Variants in ARL10 observed in about 807,000 individuals in gnomAD.
The protein encoded by ARL10 is ADP-ribosylation factor-like protein 10.
In ARL10, 23 loss-of-function variants were observed where a neutral mutation model predicts 26.1. The ratio of observed to expected loss-of-function variants is 0.88; its 90% confidence interval spans 0.63 to 1.25. ARL10 has a LOEUF of 1.25. Among genes scored for constraint, ARL10 ranks in the 50% most tolerant of loss-of-function variants. The pLI is 0.00. For missense variants in ARL10, 300 were observed against 323.6 expected, an observed-to-expected ratio of 0.93 and a Z score of 0.56; for synonymous variants, 138 against 149.1, an observed-to-expected ratio of 0.93 and a Z score of 0.54.
chr5:176,410,435 T>C, the ARL10 span: 1 of 662,852 alleles, frequency 1.5e-6, no homozygotes, highest in South Asian at 1.8e-5. Flanking sequence ...CAAACAGACA[T>C]AATGGATATA....
chr5:176,414,125 T>A, the ARL10 span, among the ~76,000 whole-genome samples: 1 of 152,158 alleles, frequency 6.6e-6, no homozygotes, highest in Non-Finnish European at 1.5e-5. Flanking sequence ...GTTCTCACAA[T>A]GGCTCCCCTC....
chr5:176,395,952 T>C (rs1433217142), intron 1 of ARL10, among the ~76,000 whole-genome samples: 1 of 152,076 alleles, frequency 6.6e-6, no homozygotes, highest in African/African-American at 2.4e-5. Flanking sequence ...CTGGCCGACA[T>C]GGTGAAACCC....
chr5:176,370,991 C>T (rs1175818594), intron 3 of ARL10, among the ~76,000 whole-genome samples: 1 of 152,218 alleles, frequency 6.6e-6, no homozygotes, highest in East Asian at 1.9e-4. Context: ...CCTCCCTGAG[C>T]TACTTTTCTC....
intron 3 of ARL10, among the ~76,000 whole-genome samples, chr5:176,370,524 A>G (rs1768498213): frequency 6.6e-6 from 1 of 152,184 alleles, no homozygotes; most frequent in Non-Finnish European, 1.5e-5. Flanking sequence ...ATTAGGAAAC[A>G]TTTGACAATT....
At chr5:176,389,685 G>A (rs1581415947), downstream of ARL10, 7 of 543,776 alleles carry the variant, frequency 1.3e-5, no homozygotes, top group Non-Finnish European at 2.2e-5. Context: ...TTGTTTGAAT[G>A]TTACATACTT....
intron 1 of ARL10, chr5:176,397,612 G>A: frequency 6.2e-7 from 1 of 1,604,410 alleles, no homozygotes. Context: ...CTCACCGGTT[G>A]TTGATCTTGT....
chr5:176,383,507 C>T (rs1755603778), downstream of ARL10, among the ~76,000 whole-genome samples: 1 of 152,248 alleles, frequency 6.6e-6, no homozygotes, highest in African/African-American at 2.4e-5. Context: ...GTCCACCAGT[C>T]CCAGAAGCCA....
At chr5:176,371,246 A>AGG (rs1561773895) in intron 3 of ARL10, among the ~76,000 whole-genome samples, 37 of 152,154 alleles carry the variant, frequency 2.4e-4, no homozygotes, top group South Asian at 4.1e-4. Flanking sequence ...GTGGTGGCTC[A>AGG]CACCTGTAGT....
Position 176,378,096 on chromosome 5 carries a change from G to A in ARL10, c.*6201G>A, listed in dbSNP as rs1198227668. On this transcript the variant is annotated 3_prime_UTR_variant, in exon 4 of 4. Coordinates refer to ENST00000310389, the MANE Select transcript of ARL10 (RefSeq NM_173664.6). ...GCTTTTAACAATAGAAGTTTCAAGG[G>A]CTCAGGAAGGACCAGGGGGCCATCT... 1 of 152,188 alleles carries A rather than the reference G, an allele frequency of 6.6e-6. No homozygotes were observed. The highest frequency in any genetic ancestry group is 1.5e-5 in the Non-Finnish European group (1 of 68,038). The allele number at this position is 152,188 out of a possible 1,614,324, so 9.4% of individuals were successfully genotyped here.
rs77227497 is a variant in ARL10, at chr5:176,367,385, T to C, written c.385+804T>C. ...GGCAGTGGGCAGTGGCACACCCTCC[T>C]CCACTATTGCCTGTCTGGCCCAAAC... is the stretch of plus-strand genomic sequence containing the variant. On this transcript the variant is annotated intron_variant, in intron 2 of 3. Coordinates refer to ENST00000310389, the MANE Select transcript of ARL10 (RefSeq NM_173664.6). Among the ~76,000 whole-genome samples, 970 of 152,206 alleles carry C rather than the reference T, an allele frequency of 6.4e-3. 8 individuals carry two copies. Among genetic ancestry groups the C allele is most frequent in the African/African-American group, 0.022 (923 of 41,530 alleles).
chr5:176,413,975 C>T, the ARL10 span, among the ~76,000 whole-genome samples: 116 of 152,298 alleles, frequency 7.6e-4, no homozygotes, highest in African/African-American at 2.2e-3. Context: ...CAATTTGTGC[C>T]CCACCCCTGC....
chr5:176,398,888 G>C (rs1756678395), intron 1 of ARL10, among the ~76,000 whole-genome samples: 1 of 151,702 alleles, frequency 6.6e-6, no homozygotes, highest in Non-Finnish European at 1.5e-5. Flanking sequence ...TGTTTCCCAG[G>C]CTGGAGTGCA....
chr5:176,389,503 G>A (rs1456198029), downstream of ARL10: 3 of 1,608,834 alleles, frequency 1.9e-6, no homozygotes, highest in South Asian at 3.3e-5. Flanking sequence ...CCTAAGCCCA[G>A]GGTCTGGCCT....
downstream of ARL10, among the ~76,000 whole-genome samples, chr5:176,404,270 T>A (rs1189049708): frequency 2.6e-5 from 4 of 152,170 alleles, no homozygotes; most frequent in Non-Finnish European, 5.9e-5. Flanking sequence ...GGTCCCCAGC[T>A]CCGGTTGCCC....
chr5:176,380,477 T>G lies in ARL10; in HGVS notation c.*8582T>G, dbSNP rs969999991. 48 of 147,372 alleles carry G rather than the reference T, an allele frequency of 3.3e-4. No individual in the cohort carries two copies. Among genetic ancestry groups the G allele is most frequent in the Non-Finnish European group, 1.2e-4 (8 of 66,566 alleles). The allele number at this position is 147,372 out of a possible 1,614,324, so 9.1% of individuals were successfully genotyped here. ...TCTGGGTCCATAATTTTGGTTTTTT[T>G]TTTTTTTTTTTTTTGAGACAGAGTC... On this transcript the variant is annotated 3_prime_UTR_variant, in exon 4 of 4. Coordinates refer to ENST00000310389, the MANE Select transcript of ARL10 (RefSeq NM_173664.6).
In ARL10 at chr5:176,371,613, C is replaced by T. The variant is rs1029094497; in HGVS notation, c.562-109C>T. On this transcript the variant is annotated intron_variant, in intron 3 of 3. Coordinates refer to ENST00000310389, the MANE Select transcript of ARL10 (RefSeq NM_173664.6). Reference sequence around the variant, plus strand: ...GGGATAGCCTAAGAACAGTGTGTTTCCTGATATTCCCGGGGATAGCCTAAG... The same window carrying T: ...GGGATAGCCTAAGAACAGTGTGTTTTCTGATATTCCCGGGGATAGCCTAAG... 4 of 703,710 alleles carry T rather than the reference C, an allele frequency of 5.7e-6. No individual in the cohort carries two copies. In the African/African-American group the frequency reaches 7.1e-5, roughly 13 times the overall value. 43.6% of individuals were successfully genotyped at this position (703,710 alleles called of 1,614,324 possible). A position where few individuals can be genotyped will look rare whatever the true frequency, so the allele number is the denominator to read the frequency against.
chr5:176,368,994 G>A lies in ARL10; in HGVS notation c.561+12G>A, dbSNP rs1768432646. 1 of 1,613,486 alleles carries A rather than the reference G, an allele frequency of 6.2e-7. No individual in the cohort carries two copies. The highest frequency in any genetic ancestry group is 1.7e-5 in the Admixed American group (1 of 59,982). On this transcript the variant is annotated intron_variant, in intron 3 of 3. Transcript: ENST00000310389. The surrounding 1 kb of genome is among the most constrained non-coding windows in gnomAD (Gnocchi z 4.1). ...TGGCCAACAAGCAGGTGAGGGCTGT[G>A]AGAGGGCAGCTCGGTCCAGGTGACA... is the stretch of plus-strand genomic sequence containing the variant.
exon 2 of ARL10, chr5:176,388,411 C>T: frequency 6.2e-7 from 1 of 1,613,504 alleles, no homozygotes; most frequent in Non-Finnish European, 8.5e-7. Context: ...CCCACGGCCA[C>T]CCGGAACCCC....
intron 3 of ARL10, 64 bp from the exon 4 acceptor site, chr5:176,371,658 G>A (rs958417542): frequency 2.2e-5 from 31 of 1,417,358 alleles, no homozygotes; most frequent in Middle Eastern, 1.9e-4. Flanking sequence ...TTTCATGAAC[G>A]ACAAGGGTGT....
Sources: allele counts gnomAD v4.1 joint callset (sites outside exome capture counted in the v4.1 genomes callset), GRCh38; gene constraint gnomAD v4.1.1; non-coding constraint Gnocchi (gnomAD v3.1); transcripts MANE v1.5; gene names NCBI Gene and HGNC (gene_info 2026-07-23, HGNC 2026-07-21).